Variants in LRP2 observed in about 807,000 individuals in gnomAD.
LRP2 encodes low-density lipoprotein receptor-related protein 2.
In LRP2, 172 loss-of-function variants were observed where a neutral mutation model predicts 531.0. That is an observed-to-expected ratio of 0.32 (90% CI 0.29 to 0.37). The LOEUF (loss-of-function observed/expected upper bound fraction) is 0.37, where lower values mean the gene tolerates loss of function less well. Ranked by LOEUF, LRP2 falls within the 10% of genes least tolerant of loss-of-function variation. The pLI is 1.00. For synonymous variants in LRP2, 1,992 were observed against 2,027.6 expected (o/e 0.98, Z 0.47); for missense variants, 5,167 against 5,868.3 (o/e 0.88, Z 3.90).
At position 169,156,302 on chromosome 2, in the gene LRP2, G is replaced by A. The variant is rs749675912; in HGVS notation, c.12123C>T (p.Asp4041=). 6.2e-7 allele frequency: 1 copy of A among 1,613,712 alleles called. No individual in the cohort carries two copies. Among genetic ancestry groups the A allele is most frequent in the South Asian group, 1.1e-5 (1 of 91,072 alleles). Residue 4041 remains aspartate (D), a synonymous_variant, in exon 65 of 79, where the codon GAC becomes GAT. Transcript: ENST00000649046. ...CAGCTGCACATCGTTTTCCAGGGCGGTCACTCATAGACGTGAAGCCATCAG... is the reference window on the plus strand; with the variant it reads ...CAGCTGCACATCGTTTTCCAGGGCGATCACTCATAGACGTGAAGCCATCAG... ...VCADGFTSMS[D]RPGKRCAAEG...
chr2:169,145,930 ACCCACAGGGG>A lies in LRP2; in HGVS notation c.12812-17_12812-8del, dbSNP rs765935691. ...AGGCTGTAAGGGTTCATTGCTGCTT[ACCCACAGGGG>A]AAAAACAAAACAGAAGGTTATTGAA... On this transcript the variant is annotated splice_region_variant and splice_polypyrimidine_tract_variant and intron_variant, in intron 69 of 78. Transcript: ENST00000649046. 6 of 1,613,822 alleles carry A rather than the reference ACCCACAGGGG, an allele frequency of 3.7e-6. No homozygotes were observed. In the African/African-American group the frequency reaches 6.7e-5, roughly 18 times the overall value.
At chr2:169,314,565 T>C (rs902267289) in intron 3 of LRP2, among the ~76,000 whole-genome samples, 2 of 152,258 alleles carry the variant, frequency 1.3e-5, no homozygotes, top group Non-Finnish European at 2.9e-5. Context: ...CCATGCTTAA[T>C]TGATTATATC....
intron 68 of LRP2, among the ~76,000 whole-genome samples, chr2:169,147,866 C>A (rs796134523): frequency 4.6e-5 from 7 of 152,246 alleles, no homozygotes; most frequent in African/African-American, 1.2e-4. Flanking sequence ...CCAGTGTAAT[C>A]CGCTCCTCTG....
chr2:169,243,856 A>G (rs1281260269), intron 22 of LRP2, among the ~76,000 whole-genome samples: 4 of 152,206 alleles, frequency 2.6e-5, no homozygotes, highest in Non-Finnish European at 5.9e-5. Flanking sequence ...ACCAAAGCCA[A>G]GCAATGGAGC....
intron 51 of LRP2, 101 bp downstream of exon 51, chr2:169,182,066 G>A: frequency 6.8e-7 from 1 of 1,475,396 alleles, no homozygotes; most frequent in Non-Finnish European, 9.4e-7. Flanking sequence ...ACAAACCCCA[G>A]CAAGACATTG....
chr2:169,162,435 T>C, intron 63 of LRP2, 37 bp downstream of exon 63: 1 of 1,612,058 alleles, frequency 6.2e-7, no homozygotes, highest in Non-Finnish European at 8.5e-7. Context: ...TAAACCTGAG[T>C]TACTACAATG....
chr2:169,176,557 G>A lies in LRP2; in HGVS notation c.10425C>T (p.Gly3475=), dbSNP rs765114054. The A allele has an allele frequency of 6.2e-7, 1 of 1,614,126 alleles. No homozygotes were observed. Among genetic ancestry groups the A allele is most frequent in the Non-Finnish European group, 8.5e-7 (1 of 1,180,016 alleles). ...VSNPCGTNNG[G]CSHLCLIKPG... ...GCTTGATGAGGCAGAGATGAGAACA[G>A]CCACCATTGTTGGTACCACAGGGAT... The change falls in exon 54 of 79, where the codon GGC becomes GGT. Residue 3475 remains glycine, a synonymous_variant. Transcript: ENST00000649046.
chr2:169,197,688 A>G (rs2105319949), intron 45 of LRP2, among the ~76,000 whole-genome samples: 1 of 152,304 alleles, frequency 6.6e-6, no homozygotes, highest in East Asian at 1.9e-4. Context: ...TTGGCCCCTG[A>G]TATCTGATGA....
At chr2:169,160,119 C>A (rs1324830046) in intron 63 of LRP2, among the ~76,000 whole-genome samples, 1 of 152,018 alleles carries the variant, frequency 6.6e-6, no homozygotes, top group Non-Finnish European at 1.5e-5. Flanking sequence ...TAAGAACTAC[C>A]AGAGAAACAG....
intron 16 of LRP2, among the ~76,000 whole-genome samples, chr2:169,263,930 G>C (rs896884042): frequency 1.7e-4 from 26 of 152,188 alleles, no homozygotes; most frequent in African/African-American, 5.8e-4. Context: ...AAAATGATGA[G>C]TTCATGTCCT....
chr2:169,230,663 T>C (rs964056181), intron 31 of LRP2, among the ~76,000 whole-genome samples: 1 of 152,178 alleles, frequency 6.6e-6, no homozygotes, highest in African/African-American at 2.4e-5. Context: ...GGGTTTAGAG[T>C]AACTTCTTAG....
intron 52 of LRP2, 138 bp downstream of exon 52, chr2:169,181,310 A>T: frequency 2.6e-6 from 2 of 769,312 alleles, no homozygotes; most frequent in Non-Finnish European, 4.4e-6. Context: ...AGTTTTAGTT[A>T]GAAGTGTGAC....
chr2:169,294,156 T>G lies in LRP2; in HGVS notation c.644A>C (p.His215Pro). The change falls in exon 6 of 79, where the codon CAT becomes CCT. Residue 215 changes from histidine to proline, a missense_variant. Around this residue, in one of 6 missense-constraint regions of LRP2, gnomAD observed 2,811 missense variants for 3,058.0 expected, o/e 0.92. Coordinates refer to ENST00000649046, the MANE Select transcript of LRP2 (RefSeq NM_004525.3). ...DNDCQDGSDE[H>P]ACNYPTCGGY... is the part of the protein sequence containing the mutation. ...TAAAGAAATCACCGTACTGCAAGCA[T>G]GTTCGTCACTGCCGTCTTGGCAATC... The G allele has an allele frequency of 6.2e-7, 1 of 1,607,432 alleles. No homozygotes were observed. The highest frequency in any genetic ancestry group is 8.5e-7 in the Non-Finnish European group (1 of 1,174,040).
chr2:169,183,079 A>G (rs1687499015), intron 50 of LRP2, among the ~76,000 whole-genome samples: 1 of 152,240 alleles, frequency 6.6e-6, no homozygotes, highest in Non-Finnish European at 1.5e-5. Flanking sequence ...GTCTTATAGC[A>G]TCCATAACCT....
intron 4 of LRP2, 65 bp from the exon 5 acceptor site, chr2:169,294,775 T>C: frequency 9.6e-7 from 1 of 1,045,654 alleles, no homozygotes; most frequent in South Asian, 1.4e-5. Context: ...TTAAATTTCC[T>C]TCAGCAAACA....
chr2:169,344,025 A>G (rs1470365284), intron 1 of LRP2, among the ~76,000 whole-genome samples: 1 of 152,246 alleles, frequency 6.6e-6, no homozygotes, highest in Non-Finnish European at 1.5e-5. Context: ...ATAAACCTAT[A>G]TCATCTGTCC....
intron 9 of LRP2, among the ~76,000 whole-genome samples, chr2:169,285,175 A>G (rs1482283049): frequency 2.0e-5 from 3 of 149,566 alleles, no homozygotes; most frequent in Admixed American, 6.7e-5. Flanking sequence ...AAAAAAAATT[A>G]GCCAGGCATG....
At chr2:169,205,297 T>TA (rs1688337450) in intron 41 of LRP2, among the ~76,000 whole-genome samples, 182 bp downstream of exon 41, 1 of 152,200 alleles carries the variant, frequency 6.6e-6, no homozygotes, top group Non-Finnish European at 1.5e-5. Flanking sequence ...ATGATATAGA[T>TA]AAATTTTCAC....
At chr2:169,294,779 G>A (rs1453575696) in intron 4 of LRP2, 69 bp from the exon 5 acceptor site, 2 of 1,006,250 alleles carry the variant, frequency 2.0e-6, no homozygotes, top group Non-Finnish European at 3.0e-6. Flanking sequence ...ATTTCCTTCA[G>A]CAAACATTTA....
Sources: gnomAD v4.1 joint callset for allele counts (sites outside exome capture counted in the v4.1 genomes callset) on GRCh38, gnomAD v4.1.1 for gene constraint, gnomAD v4.1.1 regional missense constraint, MANE v1.5 for transcripts, NCBI Gene and HGNC (gene_info 2026-07-23, HGNC 2026-07-21) for gene names.